The following AATF variants were observed in gnomAD, a reference collection of about 807,000 sequenced individuals.
The protein encoded by AATF is apoptosis antagonizing transcription factor, also known as protein AATF.
Under a neutral mutation model 63.7 loss-of-function variants are expected in AATF, and 48 were observed. The observed-to-expected ratio is 0.75, with a 90% CI of 0.60 to 0.96. AATF has a LOEUF of 0.96. Ranked by LOEUF, AATF falls within the 40% of genes least tolerant of loss-of-function variation. The pLI, the probability that AATF is intolerant of heterozygous loss-of-function variation, is 0.00. For missense variants in AATF, 639 were observed against 685.7 expected (o/e 0.93, Z 0.76); for synonymous variants, 258 against 247.7 (o/e 1.04, Z -0.39).
chr17:36,986,466 A>G lies in AATF; in HGVS notation c.833-151A>G. 10 of 626,462 alleles carry G rather than the reference A, an allele frequency of 1.6e-5. No individual in the cohort carries two copies. The South Asian group carries it at 2.0e-4, about 12-fold the overall frequency. 38.8% of individuals were successfully genotyped at this position (626,462 alleles called of 1,614,324 possible). A position where few individuals can be genotyped will look rare whatever the true frequency, so the allele number is the denominator to read the frequency against. On this transcript the variant is annotated intron_variant, in intron 4 of 11. Coordinates refer to ENST00000619387, the MANE Select transcript of AATF (RefSeq NM_012138.4). ...AACGTTGTTATTTCCATTTGGGAAT[A>G]TTTCAGAGAGTATTTAGTTCCTGTG...
At chr17:37,046,306 T>TA (rs1422499800) in intron 11 of AATF, among the ~76,000 whole-genome samples, 1 of 151,804 alleles carries the variant, frequency 6.6e-6, no homozygotes, top group Non-Finnish European at 1.5e-5. Flanking sequence ...ATTAGACCAT[T>TA]AGAGTGTGTG....
chr17:37,033,346 A>G (rs1489606405), intron 11 of AATF, among the ~76,000 whole-genome samples: 3 of 152,236 alleles, frequency 2.0e-5, no homozygotes, highest in Admixed American at 6.5e-5. Flanking sequence ...AAGCAAAACT[A>G]GATTTTGAAA....
At chr17:36,961,213 T>G (rs1222434110) in intron 4 of AATF, among the ~76,000 whole-genome samples, 1 of 152,202 alleles carries the variant, frequency 6.6e-6, no homozygotes, top group African/African-American at 2.4e-5. Context: ...AGTTAACCAA[T>G]CTGTATTGAT....
rs1370654622 is a variant in AATF at position 37,048,118 on chromosome 17, T to C, written c.1620-8483T>C. On this transcript the variant is annotated intron_variant, in intron 11 of 11. Coordinates refer to ENST00000619387, the MANE Select transcript of AATF (RefSeq NM_012138.4). ...TTCAGTTTTGGTTTGTTTTTTGGTA[T>C]GGAATTATGATGAGATTTCAGGAGA... 2.0e-5 allele frequency among the ~76,000 whole-genome samples: 3 copies of C among 152,060 alleles called. No individual in the cohort carries two copies. In the East Asian group the frequency reaches 5.8e-4, roughly 29 times the overall value.
Position 37,056,831 on chromosome 17 carries a change from C to T in AATF, c.*167C>T. On this transcript the variant is annotated 3_prime_UTR_variant, in exon 12 of 12. Transcript: ENST00000619387. Reference sequence around the variant, plus strand: ...CGCAAGGGCGCTGTCCCGCCCAACCCCGCCTTTAAACGCCACAAATAAAGA... The same window carrying T: ...CGCAAGGGCGCTGTCCCGCCCAACCTCGCCTTTAAACGCCACAAATAAAGA... 6.0e-6 allele frequency: 4 copies of T among 663,304 alleles called. No individual in the cohort carries two copies. Among genetic ancestry groups the T allele is most frequent in the Non-Finnish European group, 1.0e-5 (4 of 395,736 alleles). The allele number at this position is 663,304 out of a possible 1,614,324, so 41.1% of individuals were successfully genotyped here.
chr17:37,037,077 C>T (rs61235462), intron 11 of AATF, among the ~76,000 whole-genome samples: 6,496 of 149,434 alleles, frequency 0.043, 449 homozygotes, highest in African/African-American at 0.15. Context: ...GGGGTAATCT[C>T]GGCTCACTGC....
chr17:36,982,900 A>G (rs1567972881), intron 4 of AATF, among the ~76,000 whole-genome samples: 1 of 152,188 alleles, frequency 6.6e-6, no homozygotes. Context: ...TTCTGTCTCT[A>G]TGAATTTAAT....
At chr17:37,028,878 C>T (rs1292141164) in intron 10 of AATF, among the ~76,000 whole-genome samples, 2 of 152,078 alleles carry the variant, frequency 1.3e-5, no homozygotes, top group South Asian at 2.1e-4. Flanking sequence ...CGGTTATATG[C>T]AGCTATTTAT....
chr17:36,987,090 C>T lies in AATF; in HGVS notation c.947+359C>T, dbSNP rs144948770. Among the ~76,000 whole-genome samples, 16 of 151,934 alleles carry T rather than the reference C, an allele frequency of 1.1e-4. No individual in the cohort carries two copies. In the South Asian group the frequency reaches 1.5e-3, roughly 14 times the overall value. ...GCAGCCTCAAACTCCTGGGCTTAAG[C>T]GGTCCTCCTGCTTCAGCCTCCCAAA... is the stretch of plus-strand genomic sequence containing the variant. On this transcript the variant is annotated intron_variant, in intron 5 of 11. Transcript: ENST00000619387.
intron 4 of AATF, among the ~76,000 whole-genome samples, chr17:36,985,102 A>G (rs1026753223): frequency 2.0e-5 from 3 of 151,924 alleles, no homozygotes; most frequent in African/African-American, 7.3e-5. Flanking sequence ...GGGTTTCGCC[A>G]TGTTGGCCAG....
Position 37,009,202 on chromosome 17 carries a change from G to C in AATF, c.1399-9803G>C, listed in dbSNP as rs554799048. 2.6e-4 allele frequency among the ~76,000 whole-genome samples: 39 copies of C among 152,148 alleles called. No individual in the cohort carries two copies. The South Asian group carries it at 3.1e-3, about 12-fold the overall frequency. On this transcript the variant is annotated intron_variant, in intron 8 of 11. Coordinates refer to ENST00000619387, the MANE Select transcript of AATF (RefSeq NM_012138.4). Reference sequence around the variant, plus strand: ...GCTGGAGTGCAGTGGCGCGATCTCGGCTCACTGCAACCTCCACCTCCTGGG... The same window carrying C: ...GCTGGAGTGCAGTGGCGCGATCTCGCCTCACTGCAACCTCCACCTCCTGGG...
chr17:37,030,243 C>A (rs1264859924), intron 10 of AATF, among the ~76,000 whole-genome samples: 4 of 151,994 alleles, frequency 2.6e-5, no homozygotes, highest in Admixed American at 6.6e-5. Context: ...AAATCTTAAC[C>A]AGTATTATTC....
chr17:37,008,812 C>T (rs868051611), intron 8 of AATF, among the ~76,000 whole-genome samples: 1 of 152,200 alleles, frequency 6.6e-6, no homozygotes, highest in Non-Finnish European at 1.5e-5. Flanking sequence ...CATGCCACTG[C>T]ACTCCAGTGT....
chr17:36,965,409 AC>A (rs754812489), intron 4 of AATF, among the ~76,000 whole-genome samples: 3 of 152,190 alleles, frequency 2.0e-5, no homozygotes, highest in Non-Finnish European at 4.4e-5. Flanking sequence ...TCTTATAAGG[AC>A]CCTTGAGATC....
chr17:37,023,995 A>G (rs896135917), intron 10 of AATF, among the ~76,000 whole-genome samples: 3 of 152,224 alleles, frequency 2.0e-5, no homozygotes, highest in Non-Finnish European at 2.9e-5. Context: ...AACGCCATGT[A>G]AATAATTATT....
chr17:36,961,962 A>G (rs946594678), intron 4 of AATF, among the ~76,000 whole-genome samples: 3 of 152,322 alleles, frequency 2.0e-5, no homozygotes, highest in Admixed American at 1.3e-4. Context: ...GGCGTGAGCC[A>G]CGGTGCTGGG....
intron 8 of AATF, among the ~76,000 whole-genome samples, chr17:37,009,021 C>A (rs1303807737): frequency 3.9e-5 from 6 of 152,136 alleles, no homozygotes; most frequent in African/African-American, 1.4e-4. Context: ...TGAGAAGAAC[C>A]AACTTTTTCC....
At chr17:36,968,580 C>T (rs1014905625) in intron 4 of AATF, among the ~76,000 whole-genome samples, 1 of 151,728 alleles carries the variant, frequency 6.6e-6, no homozygotes, top group Non-Finnish European at 1.5e-5. Flanking sequence ...ATGGCCTCTT[C>T]TATCATATTT....
At chr17:37,034,523 GTTATAC>G (rs1473986078) in intron 11 of AATF, 1 of 152,096 alleles carries the variant, frequency 6.6e-6, no homozygotes, top group Non-Finnish European at 1.5e-5. Context: ...GTTTTCCTAA[GTTATAC>G]ATATGTCATT....
Sources: allele counts gnomAD v4.1 joint callset (sites outside exome capture counted in the v4.1 genomes callset), GRCh38; gene constraint gnomAD v4.1.1; transcripts MANE v1.5; gene names NCBI Gene and HGNC (gene_info 2026-07-23, HGNC 2026-07-21).